The following TBCK variants were observed in gnomAD, a reference collection of about 807,000 sequenced individuals.
TBCK encodes the protein TBC1 domain containing kinase.
Under a neutral mutation model 113.4 loss-of-function variants are expected in TBCK, and 99 were observed. The ratio of observed to expected loss-of-function variants is 0.87; its 90% CI spans 0.74 to 1.03. The LOEUF is 1.03. TBCK is among the 50% of genes least tolerant of loss of function. TBCK has a pLI of 0.00. For missense variants in TBCK, 1,045 were observed against 1,061.3 expected, an observed-to-expected ratio of 0.98 and a Z score of 0.21; for synonymous variants, 369 against 370.8, an observed-to-expected ratio of 1.00 and a Z score of 0.05.
At chr4:106,240,370 A>G (rs980661220) in intron 12 of TBCK, among the ~76,000 whole-genome samples, 1 of 69,452 alleles carries the variant, frequency 1.4e-5, no homozygotes, top group Admixed American at 1.4e-4. Flanking sequence ...AGATGAAGTG[A>G]GTAGATAAGA....
At chr4:106,162,471 G>A (rs896433743) in intron 23 of TBCK, among the ~76,000 whole-genome samples, 4 of 152,278 alleles carry the variant, frequency 2.6e-5, no homozygotes, top group African/African-American at 9.6e-5. Flanking sequence ...TGGGGACTCT[G>A]TGTGGGAGTT....
intron 22 of TBCK, among the ~76,000 whole-genome samples, chr4:106,187,115 G>C (rs569173929): frequency 6.6e-6 from 1 of 152,262 alleles, no homozygotes; most frequent in Non-Finnish European, 1.5e-5. Flanking sequence ...TTTTGTACCA[G>C]TACCGTGCTG....
At chr4:106,095,893 A>T (rs1311325980) in intron 24 of TBCK, among the ~76,000 whole-genome samples, 1 of 152,242 alleles carries the variant, frequency 6.6e-6, no homozygotes, top group East Asian at 1.9e-4. Context: ...ATCTCTCATT[A>T]CATAAACACA....
intron 15 of TBCK, 134 bp downstream of exon 15, chr4:106,235,135 C>A: frequency 2.0e-6 from 1 of 494,760 alleles, no homozygotes. Context: ...CTTAAAATTG[C>A]CAAATATTCT....
At chr4:106,092,766 G>A (rs1740448871) in intron 25 of TBCK, among the ~76,000 whole-genome samples, 1 of 152,220 alleles carries the variant, frequency 6.6e-6, no homozygotes. Flanking sequence ...TCCCGCCTGT[G>A]CCTCTTCCTC....
At chr4:106,132,082 C>A (rs1416471526) in intron 23 of TBCK, among the ~76,000 whole-genome samples, 2 of 152,174 alleles carry the variant, frequency 1.3e-5, no homozygotes, top group East Asian at 3.9e-4. Context: ...AAAAGAAAAA[C>A]CAATTTTCTG....
intron 3 of TBCK, among the ~76,000 whole-genome samples, chr4:106,286,804 C>T (rs1765159761): frequency 6.8e-6 from 1 of 147,856 alleles, no homozygotes; most frequent in African/African-American, 2.5e-5. Flanking sequence ...GTCAAGGCTA[C>T]AGTAAGCAGC....
At chr4:106,234,546 T>C (rs1462115621) in intron 15 of TBCK, among the ~76,000 whole-genome samples, 3 of 152,108 alleles carry the variant, frequency 2.0e-5, no homozygotes, top group Non-Finnish European at 4.4e-5. Context: ...TGGGCTCAAG[T>C]AATCCTTCTG....
rs1380697875 is a variant in TBCK, at chr4:106,116,359, AATGGGATGG to A, written c.2246_2254del (p.Ser749_Pro751del). On this transcript the variant is annotated inframe_deletion, in exon 24 of 26. Coordinates refer to ENST00000394708, the MANE Select transcript of TBCK (RefSeq NM_001163435.3). The stretch of plus-strand genomic sequence containing the variant: ...TGATACTTCTGACTTCAGGTCATTT[AATGGGATGG>A]ATTCTCTTGACTGAAAAAAAAAATG... 1.2e-6 allele frequency: 2 copies of A among 1,613,082 alleles called. No individual in the cohort carries two copies. The highest frequency in any genetic ancestry group is 1.7e-6 in the Non-Finnish European group (2 of 1,179,646).
intron 23 of TBCK, among the ~76,000 whole-genome samples, chr4:106,159,861 C>T (rs1364203328): frequency 1.3e-5 from 2 of 152,000 alleles, no homozygotes; most frequent in African/African-American, 4.8e-5. Context: ...AAGACTCAGA[C>T]TTCCTGATTG....
intron 5 of TBCK, among the ~76,000 whole-genome samples, chr4:106,256,489 C>T (rs536610915): frequency 1.3e-5 from 2 of 152,316 alleles, no homozygotes; most frequent in South Asian, 4.1e-4. Context: ...GGGCTTGACC[C>T]CAACATCGCT....
At chr4:106,187,727 T>C (rs1461806698) in intron 22 of TBCK, among the ~76,000 whole-genome samples, 1 of 152,182 alleles carries the variant, frequency 6.6e-6, no homozygotes, top group Non-Finnish European at 1.5e-5. Context: ...TATGATTTCT[T>C]TAAGCAGTGT....
intron 3 of TBCK, among the ~76,000 whole-genome samples, chr4:106,285,930 G>A (rs947301541): frequency 1.6e-4 from 24 of 152,258 alleles, no homozygotes; most frequent in African/African-American, 5.8e-4. Flanking sequence ...ACATATACCT[G>A]CTCTGTTACT....
intron 23 of TBCK, among the ~76,000 whole-genome samples, chr4:106,149,530 A>G (rs1748229956): frequency 6.6e-6 from 1 of 152,116 alleles, no homozygotes; most frequent in Non-Finnish European, 1.5e-5. Context: ...AGGGAGAAAA[A>G]TGGAGGAATG....
chr4:106,277,118 A>G (rs1764115149), intron 3 of TBCK, among the ~76,000 whole-genome samples: 1 of 152,222 alleles, frequency 6.6e-6, no homozygotes, highest in African/African-American at 2.4e-5. Context: ...TATCATGGGA[A>G]TGCAAAGTAA....
intron 3 of TBCK, among the ~76,000 whole-genome samples, chr4:106,281,459 T>A (rs1764587037): frequency 6.6e-6 from 1 of 152,152 alleles, no homozygotes; most frequent in Non-Finnish European, 1.5e-5. Context: ...CTATGTTGAA[T>A]AACAGTAGTG....
At chr4:106,090,979 C>G (rs1210388533) in intron 25 of TBCK, among the ~76,000 whole-genome samples, 1 of 152,202 alleles carries the variant, frequency 6.6e-6, no homozygotes, top group Non-Finnish European at 1.5e-5. Flanking sequence ...TGCCTATTAC[C>G]CAGTTCCAAA....
intron 3 of TBCK, among the ~76,000 whole-genome samples, chr4:106,264,416 C>T (rs1167989186): frequency 7.8e-5 from 2 of 25,504 alleles, no homozygotes; most frequent in African/African-American, 2.1e-4. Context: ...GTCAGCAGCT[C>T]ACAAAAGTGT....
chr4:106,249,787 A>G (rs1264668669), intron 7 of TBCK, among the ~76,000 whole-genome samples: 1 of 152,070 alleles, frequency 6.6e-6, no homozygotes. Flanking sequence ...TTATTATTTA[A>G]TGTTTACTAA....
Sources: gnomAD v4.1 joint callset for allele counts (sites outside exome capture counted in the v4.1 genomes callset) on GRCh38, gnomAD v4.1.1 for gene constraint, MANE v1.5 for transcripts, NCBI Gene and HGNC (gene_info 2026-07-23, HGNC 2026-07-21) for gene names.